The following STOML2 variants were observed in gnomAD, a reference collection of about 807,000 sequenced individuals.
STOML2 encodes the protein stomatin like 2, also known as stomatin-like protein 2, mitochondrial.
STOML2 carries 22 observed loss-of-function variants against 45.7 expected under a neutral mutation model. The observed-to-expected ratio is 0.48, with a 90% CI of 0.34 to 0.69. STOML2 has a LOEUF of 0.69. STOML2 is among the 30% of genes least tolerant of loss of function. STOML2 has a pLI of 0.01. For synonymous variants in STOML2, 181 were observed against 182.7 expected, an observed-to-expected ratio of 0.99 and a Z score of 0.08; for missense variants, 359 against 466.9, an observed-to-expected ratio of 0.77 and a Z score of 2.13.
chr9:35,099,987 G>GA lies in STOML2; in HGVS notation c.*47dup, dbSNP rs1829782599. 6.3e-7 allele frequency: 1 copy of GA among 1,581,856 alleles called. No homozygotes were observed. Among genetic ancestry groups the GA allele is most frequent in the Non-Finnish European group, 8.6e-7 (1 of 1,158,404 alleles). On this transcript the variant is annotated 3_prime_UTR_variant, in exon 10 of 10. Coordinates refer to ENST00000356493, the MANE Select transcript of STOML2 (RefSeq NM_013442.3). ...GCAGGGAAGCTAGAGCCAGAATCAGGAAAATCTGCTTCCTTGTTCCCAGAC... is the reference window on the plus strand; with the variant it reads ...GCAGGGAAGCTAGAGCCAGAATCAGGAAAAATCTGCTTCCTTGTTCCCAGAC...
rs1377691971 is a variant in STOML2, at chr9:35,102,641, A to C, written c.183+45T>G. On this transcript the variant is annotated intron_variant, in intron 2 of 9. Transcript: ENST00000356493. The surrounding 1 kb of genome is among the most constrained non-coding windows in gnomAD (Gnocchi z 4.8). ...CTCCCGACATTGCATGTCGTGAGGG[A>C]TTGGTCATCTGGCTGGCCCAGGGTG... The C allele has an allele frequency of 4.4e-6, 7 of 1,605,846 alleles. No individual in the cohort carries two copies. Among genetic ancestry groups the C allele is most frequent in the Non-Finnish European group, 5.9e-6 (7 of 1,177,092 alleles).
In STOML2 at chr9:35,102,989, T is replaced by C; in HGVS notation, c.45+61A>G. On this transcript the variant is annotated intron_variant, in intron 1 of 9. Transcript: ENST00000356493. The surrounding 1 kb of genome is among the most constrained non-coding windows in gnomAD (Gnocchi z 4.8). ...TCCAAAAGTTGGAATTTCGCTCTTT[T>C]CCAGCGGAGAACCCAGGTAATCTCT... 6.2e-7 allele frequency: 1 copy of C among 1,604,638 alleles called. No homozygotes were observed. Among genetic ancestry groups the C allele is most frequent in the East Asian group, 2.2e-5 (1 of 44,712 alleles).
Position 35,102,784 on chromosome 9 carries a change from A to AGGCGC in STOML2, c.80_84dup (p.Ser29AlafsTer37). 6.2e-7 allele frequency: 1 copy of AGGCGC among 1,614,060 alleles called. No homozygotes were observed. Among genetic ancestry groups the AGGCGC allele is most frequent in the Non-Finnish European group, 8.5e-7 (1 of 1,179,982 alleles). On this transcript the variant is annotated frameshift_variant, in exon 2 of 10. Transcript: ENST00000356493. LOFTEE classifies it high-confidence loss of function. This position sits in a 1 kb window ranked among gnomAD's most constrained non-coding sequence, Gnocchi z 4.8. ...ACGGTGTTTCGGGGCAATCCAGAGG[A>AGGCGC]GGCGCGGCGCGGAGCGCGGCCAGAA...
chr9:35,101,853 T>C lies in STOML2; in HGVS notation c.343-42A>G, dbSNP rs761453854. On this transcript the variant is annotated intron_variant, in intron 4 of 9. Coordinates refer to ENST00000356493, the MANE Select transcript of STOML2 (RefSeq NM_013442.3). The surrounding 1 kb of genome is among the most constrained non-coding windows in gnomAD (Gnocchi z 4.3). ...TAGTGTAAGAAGCTTGGGCACAAGA[T>C]TTTAGTGAAGAGGGCAACTCAAAAG... The C allele has an allele frequency of 2.7e-5, 44 of 1,614,012 alleles. No individual in the cohort carries two copies. Among genetic ancestry groups the C allele is most frequent in the Non-Finnish European group, 3.6e-5 (43 of 1,179,968 alleles).
Position 35,102,570 on chromosome 9 carries a change from C to T in STOML2, c.183+116G>A, listed in dbSNP as rs1370908613. On this transcript the variant is annotated intron_variant, in intron 2 of 9. Transcript: ENST00000356493. This position sits in a 1 kb window ranked among gnomAD's most constrained non-coding sequence, Gnocchi z 4.8. ...GCAGCCTGGGCCCTGTCAGGTCTGG[C>T]CTACAGAGTCGGGAGCTAACAGTGC... 3 of 1,505,512 alleles carry T rather than the reference C, an allele frequency of 2.0e-6. No homozygotes were observed. In the African/African-American group the frequency reaches 4.2e-5, roughly 21 times the overall value. 93.3% of individuals were successfully genotyped at this position (1,505,512 alleles called of 1,614,324 possible). A position where few individuals can be genotyped will look rare whatever the true frequency, so the allele number is the denominator to read the frequency against.
chr9:35,102,599 C>A lies in STOML2; in HGVS notation c.183+87G>T. ...CAGAGTCGGGAGCTAACAGTGCGGG[C>A]AGGCCCAAAGGAAGTCCTCCCGACA... On this transcript the variant is annotated intron_variant, in intron 2 of 9. Transcript: ENST00000356493. This position sits in a 1 kb window ranked among gnomAD's most constrained non-coding sequence, Gnocchi z 4.8. The A allele has an allele frequency of 6.4e-7, 1 of 1,563,362 alleles. No individual in the cohort carries two copies. The highest frequency in any genetic ancestry group is 1.2e-5 in the South Asian group (1 of 83,020).
Position 35,103,051 on chromosome 9 carries a change from C to G in STOML2, c.44G>C (p.Arg15Thr). 6.2e-7 allele frequency: 1 copy of G among 1,614,156 alleles called. No homozygotes were observed. The highest frequency in any genetic ancestry group is 8.5e-7 in the Non-Finnish European group (1 of 1,180,026). ...CTGGAAAGGTTGCCTCGCTCTCACC[C>G]TCAGCAAAAGGGCCCCAGTGCCCCG... Reference protein sequence around the residue: ...AARGTGALLLRGSLLASGRAP... With the variant: ...AARGTGALLLTGSLLASGRAP... The change falls in exon 1 of 10, where the codon AGG (arginine) becomes ACG (threonine). Residue 15 changes from arginine to threonine, a missense_variant and splice_region_variant. Around this residue, in one of 2 missense-constraint regions of STOML2, gnomAD observed 74 missense variants for 45.0 expected, o/e 1.65. Transcript: ENST00000356493.
At position 35,101,452 on chromosome 9, in the gene STOML2, G is replaced by A. The variant is rs1346632260; in HGVS notation, c.553C>T (p.Arg185Trp). Reference sequence around the variant, plus strand: ...TGCATCTGCATAGACTCTTTCACCCGGGGTGGCACATGGATATCCTTGATC... The same window carrying A: ...TGCATCTGCATAGACTCTTTCACCCAGGGTGGCACATGGATATCCTTGATC... The part of the protein sequence containing the change: ...YEIKDIHVPP[R>W]VKESMQMQVE... Residue 185 changes from arginine (R) to tryptophan (W), a missense_variant, in exon 6 of 10, where the codon CGG becomes TGG. Around this residue, in one of 2 missense-constraint regions of STOML2, gnomAD observed 285 missense variants for 422.0 expected, o/e 0.68. Transcript: ENST00000356493. This position sits in a 1 kb window ranked among gnomAD's most constrained non-coding sequence, Gnocchi z 4.3. 6.2e-7 allele frequency: 1 copy of A among 1,614,080 alleles called. No homozygotes were observed. Among genetic ancestry groups the A allele is most frequent in the African/African-American group, 1.3e-5 (1 of 74,986 alleles).
chr9:35,101,550 G>T lies in STOML2; in HGVS notation c.455C>A (p.Ser152Tyr). The change falls in exon 6 of 10, where the codon TCC becomes TAC. Residue 152 changes from serine (S) to tyrosine (Y), a missense_variant. Physicochemically the swap from Ser to Tyr is moderately radical, Grantham distance 144. Coordinates refer to ENST00000356493, the MANE Select transcript of STOML2 (RefSeq NM_013442.3). This position sits in a 1 kb window ranked among gnomAD's most constrained non-coding sequence, Gnocchi z 4.3. ...SLDKVFRERE[S>Y]LNASIVDAIN... Reference sequence around the variant, plus strand: ...GGCATCCACAATGCTGGCATTCAGGGACTCCCGTTCCTGGAAAAAGAGGTG... The same window carrying T: ...GGCATCCACAATGCTGGCATTCAGGTACTCCCGTTCCTGGAAAAAGAGGTG... The T allele has an allele frequency of 6.2e-7, 1 of 1,614,078 alleles. No homozygotes were observed. Among genetic ancestry groups the T allele is most frequent in the South Asian group, 1.1e-5 (1 of 91,076 alleles).
In STOML2 at chr9:35,100,664, C is replaced by T. The variant is rs1242596322; in HGVS notation, c.867G>A (p.Leu289=). 6.2e-7 allele frequency: 1 copy of T among 1,614,020 alleles called. No individual in the cohort carries two copies. The highest frequency in any genetic ancestry group is 1.7e-5 in the Admixed American group (1 of 60,010). The part of the protein sequence containing the change: ...AEQYVSAFSK[L]AKDSNTILLP... ...GTAGGATAGTGTTGGAGTCCTTGGC[C>T]AGTTTGGAGAACGCGCTGACATACT... The change falls in exon 9 of 10, where the codon CTG becomes CTA. Residue 289 remains leucine, a synonymous_variant. Coordinates refer to ENST00000356493, the MANE Select transcript of STOML2 (RefSeq NM_013442.3).
chr9:35,100,868 C>A, intron 8 of STOML2, 64 bp downstream of exon 8: 1 of 1,612,418 alleles, frequency 6.2e-7, no homozygotes, highest in Non-Finnish European at 8.5e-7. Flanking sequence ...TCTCCTCAAG[C>A]GTAGATAAGA....
intron 8 of STOML2, 71 bp downstream of exon 8, chr9:35,100,861 C>T: frequency 6.2e-7 from 1 of 1,612,518 alleles, no homozygotes; most frequent in South Asian, 1.1e-5. Flanking sequence ...GCGGAACTCT[C>T]CTCAAGCGTA....
In STOML2 at chr9:35,101,190, C is replaced by T. The variant is rs748853066; in HGVS notation, c.669G>A (p.Gln223=). The change falls in exon 7 of 10, where the codon CAG becomes CAA. Residue 223 remains glutamine (Q), a synonymous_variant. Transcript: ENST00000356493. The surrounding 1 kb of genome is among the most constrained non-coding windows in gnomAD (Gnocchi z 4.3). ...CTGCTTCGGAGGCCAGGATCTGGGC[C>T]TGTTTCTTCCCTTCTGCCACATTGA... The part of the protein sequence containing the change: ...SAINVAEGKK[Q]AQILASEAEK... The T allele has an allele frequency of 6.2e-7, 1 of 1,614,248 alleles. No homozygotes were observed. The highest frequency in any genetic ancestry group is 8.5e-7 in the Non-Finnish European group (1 of 1,180,040).
upstream of STOML2, chr9:35,103,189 C>T (rs1829864977): frequency 6.8e-7 from 1 of 1,476,138 alleles, no homozygotes; most frequent in Non-Finnish European, 9.2e-7. Context: ...AGTTCCGCTC[C>T]CCCGGATGTA....
rs1829835518 is a variant in STOML2 at position 35,102,286 on chromosome 9, G to C, written c.184-92C>G. On this transcript the variant is annotated intron_variant, in intron 2 of 9. Transcript: ENST00000356493. The surrounding 1 kb of genome is among the most constrained non-coding windows in gnomAD (Gnocchi z 4.8). ...GGAGTATGTAGGGAGTCAACACATG[G>C]AACATGCCCAGAAAAGCAGCAGCTC... The C allele has an allele frequency of 9.3e-7, 1 of 1,078,274 alleles. No homozygotes were observed. 66.8% of individuals were successfully genotyped at this position (1,078,274 alleles called of 1,614,324 possible).
In STOML2 at chr9:35,100,935, T is replaced by C; in HGVS notation, c.801A>G (p.Gln267=). The change falls in exon 8 of 10, where the codon CAA becomes CAG. Residue 267 remains glutamine, a synonymous_variant. Coordinates refer to ENST00000356493, the MANE Select transcript of STOML2 (RefSeq NM_013442.3). ...AIRILAAALT[Q]HNGDAAASLT... ...TTCCCACCCAGGGGCCTCTCACATG[T>C]TGTGTCAGAGCTGCAGCCAGGATTC... is the stretch of plus-strand genomic sequence containing the variant. 6.2e-7 allele frequency: 1 copy of C among 1,614,236 alleles called. No homozygotes were observed. The highest frequency in any genetic ancestry group is 2.2e-5 in the East Asian group (1 of 44,880).
Position 35,101,256 on chromosome 9 carries a change from C to T in STOML2, c.603G>A (p.Arg201=). The T allele has an allele frequency of 1.2e-6, 2 of 1,614,110 alleles. No homozygotes were observed. The highest frequency in any genetic ancestry group is 1.7e-6 in the Non-Finnish European group (2 of 1,180,024). Residue 201 remains arginine (R), a synonymous_variant, in exon 7 of 10, where the codon CGG becomes CGA. Transcript: ENST00000356493. This position sits in a 1 kb window ranked among gnomAD's most constrained non-coding sequence, Gnocchi z 4.3. ...TCCCCTCAGACTCTAGAACTGTGGCCCGTTTCCGCCGCTCTGCCTCCACCT... is the reference window on the plus strand; with the variant it reads ...TCCCCTCAGACTCTAGAACTGTGGCTCGTTTCCGCCGCTCTGCCTCCACCT... The part of the protein sequence containing the change: ...QMQVEAERRK[R]ATVLESEGTR...
chr9:35,102,625 T>C lies in STOML2; in HGVS notation c.183+61A>G, dbSNP rs748124774. ...AGGCCCAAAGGAAGTCCTCCCGACA[T>C]TGCATGTCGTGAGGGATTGGTCATC... On this transcript the variant is annotated intron_variant, in intron 2 of 9. Coordinates refer to ENST00000356493, the MANE Select transcript of STOML2 (RefSeq NM_013442.3). This position sits in a 1 kb window ranked among gnomAD's most constrained non-coding sequence, Gnocchi z 4.8. 4.8e-5 allele frequency: 77 copies of C among 1,595,676 alleles called. No homozygotes were observed. The Middle Eastern group carries it at 6.9e-4, about 14-fold the overall frequency.
Position 35,102,597 on chromosome 9 carries a change from G to C in STOML2, c.183+89C>G, listed in dbSNP as rs1208497171. ...TACAGAGTCGGGAGCTAACAGTGCG[G>C]GCAGGCCCAAAGGAAGTCCTCCCGA... On this transcript the variant is annotated intron_variant, in intron 2 of 9. Transcript: ENST00000356493. The surrounding 1 kb of genome is among the most constrained non-coding windows in gnomAD (Gnocchi z 4.8). The C allele has an allele frequency of 6.4e-7, 1 of 1,562,092 alleles. No individual in the cohort carries two copies. Among genetic ancestry groups the C allele is most frequent in the East Asian group, 2.2e-5 (1 of 44,566 alleles).
Sources: allele counts gnomAD v4.1 joint callset, GRCh38; gene constraint gnomAD v4.1.1; regional missense constraint gnomAD v4.1.1; non-coding constraint Gnocchi (gnomAD v3.1); transcripts MANE v1.5; gene names NCBI Gene and HGNC (gene_info 2026-07-23, HGNC 2026-07-21).